The following RYR2 variants were observed in gnomAD, a reference collection of about 807,000 sequenced individuals.
The protein encoded by RYR2 is cardiac muscle ryanodine receptor-calcium release channel.
RYR2 carries 227 observed loss-of-function variants against 601.1 expected under a neutral mutation model. The observed-to-expected ratio is 0.38, with a 90% confidence interval of 0.34 to 0.42. The LOEUF is 0.42. Among genes scored for constraint, RYR2 ranks in the 10% least tolerant of loss-of-function variants. RYR2 has a pLI of 1.00. For synonymous variants in RYR2, 2,223 were observed against 2,175.1 expected (o/e 1.02, Z -0.61); for missense variants, 4,646 against 6,156.5 (o/e 0.75, Z 8.21).
At chr1:237,824,118 A>C (rs1363651694) in intron 101 of RYR2, among the ~76,000 whole-genome samples, 2 of 152,212 alleles carry the variant, frequency 1.3e-5, no homozygotes, top group East Asian at 1.9e-4. Flanking sequence ...AGCTGGTACC[A>C]TTCCTTTGAA....
At chr1:237,590,554 A>C in intron 30 of RYR2, 86 bp from the exon 31 acceptor site, 1 of 1,150,256 alleles carries the variant, frequency 8.7e-7, no homozygotes, top group South Asian at 1.8e-5. Flanking sequence ...TGGGATTCTG[A>C]AAACGTGATG....
chr1:237,080,651 G>A (rs1400151241), intron 1 of RYR2, among the ~76,000 whole-genome samples: 1 of 66,972 alleles, frequency 1.5e-5, no homozygotes, highest in African/African-American at 4.2e-5. Context: ...AGAGGATGTG[G>A]AGAAATAGGA....
intron 80 of RYR2, among the ~76,000 whole-genome samples, chr1:237,743,079 T>G (rs1462564229): frequency 6.6e-6 from 1 of 152,216 alleles, no homozygotes; most frequent in Non-Finnish European, 1.5e-5. Flanking sequence ...GTTTTGTTTT[T>G]TTAGAATTTT....
chr1:237,660,165 C>A (rs1334807241), intron 55 of RYR2, 91 bp downstream of exon 55: 2 of 648,482 alleles, frequency 3.1e-6, no homozygotes, highest in Non-Finnish European at 4.6e-6. Context: ...AAAATGTCTT[C>A]TTTATTTTAA....
intron 17 of RYR2, among the ~76,000 whole-genome samples, chr1:237,484,402 T>G (rs1662455026): frequency 6.6e-6 from 1 of 152,162 alleles, no homozygotes; most frequent in South Asian, 2.1e-4. Flanking sequence ...GTCTGTGGTT[T>G]TCCTGGGCTT....
At chr1:237,112,532 G>A (rs1669601770) in intron 1 of RYR2, among the ~76,000 whole-genome samples, 2 of 147,142 alleles carry the variant, frequency 1.4e-5, no homozygotes. Flanking sequence ...AGGCAGGGAG[G>A]AGAACTTCCC....
rs1214791071 is a variant in RYR2, at chr1:237,558,412, T to C, written c.3214+7721T>C. Among the ~76,000 whole-genome samples the C allele has an allele frequency of 3.3e-5, 5 of 152,198 alleles. No individual in the cohort carries two copies. The East Asian group carries it at 7.7e-4, about 23-fold the overall frequency. ...TCTCAGCTGACAATTATTTTTTCTT[T>C]TAGTACTCAGATATATCATCCCGCT... On this transcript the variant is annotated intron_variant, in intron 27 of 104. Transcript: ENST00000366574.
rs1449112583 is a variant in RYR2, at chr1:237,610,206, T to G, written c.4684-556T>G. Among the ~76,000 whole-genome samples, 1 of 152,024 alleles carries G rather than the reference T, an allele frequency of 6.6e-6. No individual in the cohort carries two copies. The highest frequency in any genetic ancestry group is 1.9e-4 in the East Asian group (1 of 5,192). ...GGATGGCTGAAGATGATACTGGAGGTGGAGGAGAAATAAGTAGGTTTGTTA... is the reference window on the plus strand; with the variant it reads ...GGATGGCTGAAGATGATACTGGAGGGGGAGGAGAAATAAGTAGGTTTGTTA... On this transcript the variant is annotated intron_variant, in intron 35 of 104. Transcript: ENST00000366574. This position sits in a 1 kb window ranked among gnomAD's most constrained non-coding sequence, Gnocchi z 4.9.
intron 29 of RYR2, among the ~76,000 whole-genome samples, chr1:237,585,075 CTTGT>C (rs1223179267): frequency 6.6e-6 from 1 of 152,056 alleles, no homozygotes; most frequent in Non-Finnish European, 1.5e-5. Flanking sequence ...CACCACCACG[CTTGT>C]TTGTTTACCT....
chr1:237,763,855 C>T (rs1006388497), intron 84 of RYR2, among the ~76,000 whole-genome samples: 1 of 152,162 alleles, frequency 6.6e-6, no homozygotes, highest in African/African-American at 2.4e-5. Flanking sequence ...TGAGATCACT[C>T]TTTTGTTTAA....
rs1251596630 is a variant in RYR2 at position 237,606,290 on chromosome 1, C to A, written c.4683+4179C>A. Among the ~76,000 whole-genome samples, 7 of 152,294 alleles carry A rather than the reference C, an allele frequency of 4.6e-5. No homozygotes were observed. In the East Asian group the frequency reaches 1.2e-3, roughly 25 times the overall value. Reference sequence around the variant, plus strand: ...ACATCTACAACCATCTGATCTTTGACAAACCTGACAAAAACAAGAAATGGG... The same window carrying A: ...ACATCTACAACCATCTGATCTTTGAAAAACCTGACAAAAACAAGAAATGGG... On this transcript the variant is annotated intron_variant, in intron 35 of 104. Coordinates refer to ENST00000366574, the MANE Select transcript of RYR2 (RefSeq NM_001035.3).
At position 237,794,017 on chromosome 1, in the gene RYR2, A is replaced by G; in HGVS notation, c.13913+20A>G. On this transcript the variant is annotated intron_variant, in intron 95 of 104. Coordinates refer to ENST00000366574, the MANE Select transcript of RYR2 (RefSeq NM_001035.3). The stretch of plus-strand genomic sequence containing the variant: ...CACACAGTGAGTAAATAATTATATG[A>G]GACTTTCTGCACTCAAAAATTTCAG... The G allele has an allele frequency of 1.3e-6, 2 of 1,594,104 alleles. No individual in the cohort carries two copies. The highest frequency in any genetic ancestry group is 1.7e-6 in the Non-Finnish European group (2 of 1,169,712).
intron 1 of RYR2, among the ~76,000 whole-genome samples, chr1:237,177,414 C>G (rs1258663062): frequency 6.6e-6 from 1 of 152,184 alleles, no homozygotes; most frequent in African/African-American, 2.4e-5. Context: ...TTTTCCTGAT[C>G]ACAATTCCTA....
At chr1:237,723,466 A>G (rs1311923051) in intron 74 of RYR2, among the ~76,000 whole-genome samples, 2 of 152,196 alleles carry the variant, frequency 1.3e-5, no homozygotes, top group Non-Finnish European at 2.9e-5. Flanking sequence ...TATAGATTAT[A>G]TATTTTGGGA....
intron 25 of RYR2, among the ~76,000 whole-genome samples, chr1:237,542,854 A>G (rs1210570603): frequency 6.6e-6 from 1 of 152,164 alleles, no homozygotes; most frequent in African/African-American, 2.4e-5. Context: ...TTGGCTGAGT[A>G]CAATATAGGA....
Position 237,693,208 on chromosome 1 carries a change from GTTT to G in RYR2, c.9067+5716_9067+5718del, listed in dbSNP as rs201974638. On this transcript the variant is annotated intron_variant, in intron 63 of 104. Coordinates refer to ENST00000366574, the MANE Select transcript of RYR2 (RefSeq NM_001035.3). Reference sequence around the variant, plus strand: ...TTATCCTACAATTGGTGAGAATCATGTTTTTTTTTTTTTTCTCTTATTCCTTAA... The same window carrying G: ...TTATCCTACAATTGGTGAGAATCATGTTTTTTTTTTTCTCTTATTCCTTAA... Among the ~76,000 whole-genome samples the G allele has an allele frequency of 4.3e-5, 6 of 140,562 alleles. 1 individual carries two copies. Among genetic ancestry groups the G allele is most frequent in the South Asian group, 2.3e-4 (1 of 4,360 alleles). The allele number at this position is 140,562 out of a possible 152,430, so 92.2% of individuals were successfully genotyped here. A position where few individuals can be genotyped will look rare whatever the true frequency, so the allele number is the denominator to read the frequency against.
At chr1:237,473,477 C>CTTTCTTTCTTTCTTTCTTTCTTCTTCTT (rs1553464755) in intron 17 of RYR2, among the ~76,000 whole-genome samples, 6 of 145,556 alleles carry the variant, frequency 4.1e-5, no homozygotes, top group Admixed American at 7.0e-5. Flanking sequence ...ATCTATCTAT[C>CTTTCTTTCTTTCTTTCTTTCTTCTTCTT]TGGCATATAT....
chr1:237,363,423 A>G (rs1699944866), intron 4 of RYR2, among the ~76,000 whole-genome samples: 1 of 152,120 alleles, frequency 6.6e-6, no homozygotes, highest in African/African-American at 2.4e-5. Context: ...AATAATATAC[A>G]TATTACTATG....
chr1:237,674,663 A>T, intron 59 of RYR2, 68 bp from the exon 60 acceptor site: 1 of 778,890 alleles, frequency 1.3e-6, no homozygotes, highest in Non-Finnish European at 2.3e-6. Context: ...ATATATACAC[A>T]CACACAATTT....
Sources: gnomAD v4.1 joint callset for allele counts (sites outside exome capture counted in the v4.1 genomes callset) on GRCh38, gnomAD v4.1.1 for gene constraint, Gnocchi (gnomAD v3.1) non-coding constraint, MANE v1.5 for transcripts, NCBI Gene and HGNC (gene_info 2026-07-23, HGNC 2026-07-21) for gene names.